SYNCRIP: variants seen among roughly 807,000 people sequenced by gnomAD.
The protein encoded by SYNCRIP is synaptotagmin binding cytoplasmic RNA interacting protein.
Under a neutral mutation model 68.9 loss-of-function variants are expected in SYNCRIP, and 9 were observed. That is an observed-to-expected ratio of 0.13 (90% CI 0.08 to 0.23). The LOEUF (loss-of-function observed/expected upper bound fraction) is 0.23. SYNCRIP is among the 10% of genes least tolerant of loss of function. The pLI, the probability that SYNCRIP is intolerant of heterozygous loss-of-function variation, is 1.00. For missense variants in SYNCRIP, 414 were observed against 770.6 expected, an observed-to-expected ratio of 0.54 and a Z score of 5.48; for synonymous variants, 258 against 254.0, an observed-to-expected ratio of 1.02 and a Z score of -0.15.
At chr6:85,623,579 A>AAAAAC (rs1554184895) in intron 7 of SYNCRIP, among the ~76,000 whole-genome samples, 8 of 125,874 alleles carry the variant, frequency 6.4e-5, no homozygotes, top group Non-Finnish European at 1.1e-4. Flanking sequence ...AAAAAAAAAA[A>AAAAAC]AAAACACTCT....
chr6:85,609,832 C>T (rs555794316), downstream of SYNCRIP: 4 of 151,984 alleles, frequency 2.6e-5, no homozygotes, highest in Middle Eastern at 3.4e-3. Context: ...GGACTTGACT[C>T]GGATTTAAGA....
Position 85,614,829 on chromosome 6 carries a change from T to G in SYNCRIP, c.1799A>C (p.His600Pro), listed in dbSNP as rs147197492. 6.2e-7 allele frequency: 1 copy of G among 1,613,642 alleles called. No individual in the cohort carries two copies. Among genetic ancestry groups the G allele is most frequent in the African/African-American group, 1.3e-5 (1 of 74,890 alleles). ...IAQQPLQGGD[H>P]SGNYGYKSEN... ...AGATTTGTAACCATAGTTACCAGAA[T>G]GATCACCACCTTGGAGCGGTTGCTG... The change falls in exon 11 of 11, where the codon CAT becomes CCT. Residue 600 changes from histidine (H) to proline (P), a missense_variant. Around this residue, in one of 6 missense-constraint regions of SYNCRIP, gnomAD observed 130 missense variants for 149.0 expected, o/e 0.87. Coordinates refer to ENST00000369622, the MANE Select transcript of SYNCRIP (RefSeq NM_006372.5).
downstream of SYNCRIP, chr6:85,607,999 G>A (rs1393175267): frequency 6.6e-6 from 1 of 152,070 alleles, no homozygotes; most frequent in Admixed American, 6.5e-5. Flanking sequence ...AGGGGTATAA[G>A]CTAAAACCCA....
chr6:85,609,492 G>A (rs968617736), downstream of SYNCRIP: 1 of 151,912 alleles, frequency 6.6e-6, no homozygotes, highest in African/African-American at 2.4e-5. Context: ...CAGATTCACA[G>A]TAACTGGTAG....
At chr6:85,625,442 C>T (rs574126364) in intron 6 of SYNCRIP, among the ~76,000 whole-genome samples, 1 of 151,710 alleles carries the variant, frequency 6.6e-6, no homozygotes, top group East Asian at 1.9e-4. Flanking sequence ...AGGAGTGCAG[C>T]AGTGGCACTA....
intron 7 of SYNCRIP, among the ~76,000 whole-genome samples, chr6:85,623,562 C>CAAAAAAA (rs67258131): frequency 0.014 from 894 of 63,150 alleles, 16 homozygotes; most frequent in African/African-American, 0.027. Context: ...AGACTGTCTC[C>CAAAAAAA]AAAAAAAAAA....
chr6:85,614,520 C>T lies in SYNCRIP; in HGVS notation c.*236G>A. On this transcript the variant is annotated 3_prime_UTR_variant, in exon 11 of 11. Transcript: ENST00000369622. Reference sequence around the variant, plus strand: ...ATTTTCTCAAGCACAAATGCAAACTCATTAACTATTTCTTTCAGTATCTAA... The same window carrying T: ...ATTTTCTCAAGCACAAATGCAAACTTATTAACTATTTCTTTCAGTATCTAA... 8.2e-7 allele frequency: 1 copy of T among 1,226,602 alleles called. No individual in the cohort carries two copies. Among genetic ancestry groups the T allele is most frequent in the African/African-American group, 1.6e-5 (1 of 64,112 alleles). 76.0% of individuals were successfully genotyped at this position (1,226,602 alleles called of 1,614,324 possible).
In SYNCRIP at chr6:85,617,174, G is replaced by C. The variant is rs113843174; in HGVS notation, c.1280+1644C>G. The stretch of plus-strand genomic sequence containing the variant: ...ACAGGAATACAGTGAGAATTATGTA[G>C]GAATACGTGCTTAGTTAAAACTTAA... On this transcript the variant is annotated intron_variant, in intron 10 of 10. Transcript: ENST00000369622. Among the ~76,000 whole-genome samples, 689 of 149,496 alleles carry C rather than the reference G, an allele frequency of 4.6e-3. 7 individuals carry two copies. The highest frequency in any genetic ancestry group is 0.016 in the African/African-American group (656 of 40,540).
chr6:85,635,774 C>CAAAA lies in SYNCRIP; in HGVS notation c.666+1189_666+1192dup, dbSNP rs58599854. On this transcript the variant is annotated intron_variant, in intron 6 of 10. Transcript: ENST00000369622. Reference sequence around the variant, plus strand: ...GGTGACAGAGTGAGATTCTATCTCCCAAAAAAAAAAAAAAAAAAAAAAAGA... The same window carrying CAAAA: ...GGTGACAGAGTGAGATTCTATCTCCCAAAAAAAAAAAAAAAAAAAAAAAAAAAGA... Among the ~76,000 whole-genome samples, 70 of 78,850 alleles carry CAAAA rather than the reference C, an allele frequency of 8.9e-4. 2 individuals carry two copies. Among genetic ancestry groups the CAAAA allele is most frequent in the African/African-American group, 2.3e-3 (49 of 21,054 alleles). 51.7% of individuals were successfully genotyped at this position (78,850 alleles called of 152,430 possible).
At chr6:85,633,951 C>A (rs1287247149) in intron 6 of SYNCRIP, among the ~76,000 whole-genome samples, 1 of 152,116 alleles carries the variant, frequency 6.6e-6, no homozygotes, top group Non-Finnish European at 1.5e-5. Flanking sequence ...CAACAAAATG[C>A]AAAGTCTCCT....
chr6:85,631,333 T>G (rs1281095005), intron 6 of SYNCRIP, among the ~76,000 whole-genome samples: 1 of 93,764 alleles, frequency 1.1e-5, no homozygotes, highest in Non-Finnish European at 2.0e-5. Context: ...AGCATGACTG[T>G]GTCTCCAAAA....
rs144771243 is a variant in SYNCRIP, at chr6:85,637,279, G to A, written c.453C>T (p.Ser151=). Residue 151 remains serine, a synonymous_variant, in exon 5 of 11, where the codon TCC becomes TCT. Transcript: ENST00000369622. ...CAGAAGGCTGCTGACCTGAATAAAC[G>A]GAATCTGGAGGTGGTCCTCCATACT... ...QRKYGGPPPD[S]VYSGQQPSVG... 37 of 1,614,126 alleles carry A rather than the reference G, an allele frequency of 2.3e-5. No homozygotes were observed. The highest frequency in any genetic ancestry group is 1.7e-4 in the African/African-American group (13 of 75,048).
intron 6 of SYNCRIP, among the ~76,000 whole-genome samples, chr6:85,633,261 CAAATAAAT>C (rs111489467): frequency 2.8e-4 from 37 of 130,556 alleles, no homozygotes; most frequent in East Asian, 1.6e-3. Flanking sequence ...ATCTCAAAAA[CAAATAAAT>C]AAATAAATAA....
At chr6:85,623,171 T>TA (rs1410921684) in intron 7 of SYNCRIP, among the ~76,000 whole-genome samples, 3 of 152,224 alleles carry the variant, frequency 2.0e-5, no homozygotes, top group African/African-American at 4.8e-5. Context: ...GATAATTTGT[T>TA]AGACACTGTT....
chr6:85,614,766 T>C lies in SYNCRIP; in HGVS notation c.1862A>G (p.Gln621Arg). Residue 621 changes from glutamine (Q) to arginine (R), a missense_variant, in exon 11 of 11, where the codon CAG becomes CGG. Transcript: ENST00000369622. The part of the protein sequence containing the change: ...QEFYQDTFGQ[Q>R]WK ...GAGGCCCTACTGTTTCTACTTCCAC[T>C]GTTGCCCAAAAGTATCCTGATAAAA... is the stretch of plus-strand genomic sequence containing the variant. The C allele has an allele frequency of 1.9e-6, 3 of 1,594,114 alleles. No individual in the cohort carries two copies. The highest frequency in any genetic ancestry group is 2.6e-6 in the Non-Finnish European group (3 of 1,171,232).
chr6:85,627,348 G>A (rs560875441), intron 6 of SYNCRIP, among the ~76,000 whole-genome samples: 2 of 150,886 alleles, frequency 1.3e-5, no homozygotes, highest in Non-Finnish European at 2.9e-5. Context: ...ATGAAAATAA[G>A]TCATTAAGCG....
chr6:85,624,940 C>CCTAA (rs1203527841), intron 6 of SYNCRIP, among the ~76,000 whole-genome samples: 5 of 152,160 alleles, frequency 3.3e-5, no homozygotes, highest in African/African-American at 1.2e-4. Flanking sequence ...TCCTCCCACA[C>CCTAA]CTAACCTCAA....
chr6:85,613,010 G>GC, downstream of SYNCRIP: 1 of 1,448,946 alleles, frequency 6.9e-7, no homozygotes, highest in Non-Finnish European at 9.3e-7. Context: ...AAAAAGACAA[G>GC]CCTTAACATG....
At chr6:85,619,121 G>A in intron 9 of SYNCRIP, 147 bp downstream of exon 9, 1 of 1,252,476 alleles carries the variant, frequency 8.0e-7, no homozygotes, top group Non-Finnish European at 1.1e-6. Context: ...TTAGAAAACT[G>A]CCAACATCAC....
Sources: allele counts gnomAD v4.1 joint callset (sites outside exome capture counted in the v4.1 genomes callset), GRCh38; gene constraint gnomAD v4.1.1; regional missense constraint gnomAD v4.1.1; transcripts MANE v1.5; gene names NCBI Gene and HGNC (gene_info 2026-07-23, HGNC 2026-07-21).